Variants in AGBL1 observed in about 807,000 individuals in gnomAD.
AGBL1 encodes AGBL carboxypeptidase 1.
AGBL1 carries 130 observed loss-of-function variants against 118.9 expected under a neutral mutation model. The observed-to-expected ratio is 1.09, with a 90% confidence interval of 0.95 to 1.26. The LOEUF is 1.26. Ranked by LOEUF, AGBL1 falls within the 50% of genes most tolerant of loss-of-function variation. The probability of loss-of-function intolerance (pLI) is 0.00; values close to 1 mark genes in which losing one functional copy is unlikely to be tolerated. For missense variants in AGBL1, 1,584 were observed against 1,298.1 expected (o/e 1.22, Z -3.38); for synonymous variants, 555 against 478.9 (o/e 1.16, Z -2.08).
chr15:86,603,876 C>G (rs564964315), intron 21 of AGBL1, among the ~76,000 whole-genome samples: 1 of 152,088 alleles, frequency 6.6e-6, no homozygotes, highest in African/African-American at 2.4e-5. Context: ...ACTATAGCCC[C>G]TGAGTAGCAA....
intron 22 of AGBL1, among the ~76,000 whole-genome samples, chr15:86,847,275 CT>C (rs1296342608): frequency 6.6e-6 from 1 of 152,152 alleles, no homozygotes; most frequent in Non-Finnish European, 1.5e-5. Context: ...TTTCTAATCA[CT>C]GCTTGTTCTT....
chr15:86,681,023 T>A (rs2085945413), intron 22 of AGBL1, among the ~76,000 whole-genome samples: 1 of 152,204 alleles, frequency 6.6e-6, no homozygotes, highest in African/African-American at 2.4e-5. Context: ...ATTTTGAATA[T>A]GAACATTCTA....
chr15:86,200,767 C>T (rs1182116199), intron 5 of AGBL1, among the ~76,000 whole-genome samples: 1 of 151,950 alleles, frequency 6.6e-6, no homozygotes, highest in Non-Finnish European at 1.5e-5. Flanking sequence ...TAGGCACCTG[C>T]CACCACGCCC....
At chr15:86,966,936 C>T (rs1270791315) in intron 23 of AGBL1, among the ~76,000 whole-genome samples, 1 of 152,064 alleles carries the variant, frequency 6.6e-6, no homozygotes, top group African/African-American at 2.4e-5. Flanking sequence ...GTTTACAGTC[C>T]CACCAACAGT....
chr15:86,950,031 T>C (rs1200674061), intron 23 of AGBL1, among the ~76,000 whole-genome samples: 3 of 151,980 alleles, frequency 2.0e-5, no homozygotes, highest in Non-Finnish European at 2.9e-5. Flanking sequence ...TAAGATATAC[T>C]TGTAAATAAG....
chr15:86,429,068 CT>C (rs1355818349), intron 18 of AGBL1, among the ~76,000 whole-genome samples: 1 of 152,180 alleles, frequency 6.6e-6, no homozygotes, highest in Non-Finnish European at 1.5e-5. Flanking sequence ...AGACAATATC[CT>C]TTCCCTTCGC....
intron 22 of AGBL1, among the ~76,000 whole-genome samples, chr15:86,875,414 TA>T (rs1427676969): frequency 6.6e-6 from 1 of 152,194 alleles, no homozygotes; most frequent in African/African-American, 2.4e-5. Flanking sequence ...GGATTTTTTT[TA>T]AAAAACTTTT....
intron 3 of AGBL1, among the ~76,000 whole-genome samples, chr15:86,151,052 A>G (rs2077100910): frequency 1.3e-5 from 2 of 152,100 alleles, no homozygotes; most frequent in South Asian, 4.2e-4. Context: ...CTATCGCAAG[A>G]ACAAAAAAAC....
intron 18 of AGBL1, among the ~76,000 whole-genome samples, chr15:86,486,418 T>G (rs1387026065): frequency 6.6e-6 from 1 of 152,148 alleles, no homozygotes; most frequent in Non-Finnish European, 1.5e-5. Context: ...AATGATTCCA[T>G]GCTTTTGCTT....
At chr15:86,346,524 G>GT (rs567645852) in intron 17 of AGBL1, among the ~76,000 whole-genome samples, 200 of 150,692 alleles carry the variant, frequency 1.3e-3, no homozygotes, top group African/African-American at 4.7e-3. Flanking sequence ...TATTTTTTGT[G>GT]TTTTTTAGTA....
At chr15:86,506,393 T>G (rs965549050) in intron 18 of AGBL1, among the ~76,000 whole-genome samples, 2 of 152,102 alleles carry the variant, frequency 1.3e-5, no homozygotes, top group African/African-American at 4.8e-5. Flanking sequence ...TTCTACTATC[T>G]GGGAGACCCA....
At chr15:86,153,954 T>C (rs2077152940) in intron 3 of AGBL1, among the ~76,000 whole-genome samples, 1 of 152,156 alleles carries the variant, frequency 6.6e-6, no homozygotes, top group Non-Finnish European at 1.5e-5. Context: ...CTAATAAAAT[T>C]AAAAATACGT....
At chr15:86,314,015 A>C (rs1215977725) in intron 17 of AGBL1, among the ~76,000 whole-genome samples, 1 of 152,256 alleles carries the variant, frequency 6.6e-6, no homozygotes, top group Non-Finnish European at 1.5e-5. Context: ...TATCAGAATC[A>C]TAAACGCCTA....
intron 18 of AGBL1, among the ~76,000 whole-genome samples, chr15:86,410,875 A>ATGT (rs2081605486): frequency 9.1e-5 from 7 of 77,298 alleles, no homozygotes; most frequent in Non-Finnish European, 1.5e-4. Flanking sequence ...TATATAATAT[A>ATGT]TATTATAATA....
chr15:87,006,618 T>C (rs1215691266), intron 24 of AGBL1, among the ~76,000 whole-genome samples: 1 of 152,154 alleles, frequency 6.6e-6, no homozygotes, highest in Non-Finnish European at 1.5e-5. Context: ...TGAAAGGGAA[T>C]TCCCTGACCC....
chr15:86,625,230 C>T (rs1424906052), intron 21 of AGBL1, among the ~76,000 whole-genome samples: 2 of 152,122 alleles, frequency 1.3e-5, no homozygotes, highest in Non-Finnish European at 2.9e-5. Flanking sequence ...CTCAGTTTCC[C>T]AATCTGTAAA....
chr15:86,715,253 T>C lies in AGBL1; in HGVS notation c.3158+40817T>C, dbSNP rs191562367. On this transcript the variant is annotated intron_variant, in intron 22 of 22. Transcript: ENST00000614907. ...ACAGTGAATTAGTGGCAGAGACCTA[T>C]GTACCTGTTATTGTTGCTGTTCACT... Among the ~76,000 whole-genome samples, 406 of 152,320 alleles carry C rather than the reference T, an allele frequency of 2.7e-3. 1 individual carries two copies. The highest frequency in any genetic ancestry group is 9.2e-3 in the African/African-American group (383 of 41,574).
At chr15:86,455,690 CT>C (rs963848254) in intron 18 of AGBL1, among the ~76,000 whole-genome samples, 1 of 152,082 alleles carries the variant, frequency 6.6e-6, no homozygotes, top group Non-Finnish European at 1.5e-5. Context: ...GTTCTAAGTG[CT>C]GTGTAGTCTA....
intron 21 of AGBL1, among the ~76,000 whole-genome samples, chr15:86,628,640 C>CA (rs751252454): frequency 5.3e-5 from 8 of 151,836 alleles, no homozygotes; most frequent in Admixed American, 6.6e-5. Context: ...ACTAAAAATA[C>CA]AAAAAATTAG....
Sources: allele counts gnomAD v4.1 joint callset (sites outside exome capture counted in the v4.1 genomes callset), GRCh38; gene constraint gnomAD v4.1.1; transcripts MANE v1.5; gene names NCBI Gene and HGNC (gene_info 2026-07-23, HGNC 2026-07-21).